DENND5A: variants seen among roughly 807,000 people sequenced by gnomAD.
The protein encoded by DENND5A is DENN domain-containing protein 5A.
Under a neutral mutation model 140.3 loss-of-function variants are expected in DENND5A, and 64 were observed. That is an observed-to-expected ratio of 0.46 (90% CI 0.37 to 0.56). DENND5A has a LOEUF of 0.56. DENND5A is among the 20% of genes least tolerant of loss of function. The probability of loss-of-function intolerance (pLI) is 0.00; values close to 1 mark genes in which losing one functional copy is unlikely to be tolerated. For missense variants in DENND5A, 1,292 were observed against 1,593.8 expected, an observed-to-expected ratio of 0.81 and a Z score of 3.22; for synonymous variants, 605 against 607.7, an observed-to-expected ratio of 1.00 and a Z score of 0.07.
chr11:9,228,797 C>CA (rs1012570626), intron 1 of DENND5A, among the ~76,000 whole-genome samples: 2 of 152,076 alleles, frequency 1.3e-5, no homozygotes, highest in African/African-American at 4.8e-5. Context: ...CAGAATGGTG[C>CA]ACTCAGCGTG....
Position 9,204,069 on chromosome 11 carries a change from A to G in DENND5A, c.540T>C (p.Gly180=), listed in dbSNP as rs1348771681. The G allele has an allele frequency of 1.9e-6, 3 of 1,614,156 alleles. No homozygotes were observed. The highest frequency in any genetic ancestry group is 2.5e-6 in the Non-Finnish European group (3 of 1,180,032). ...GCAGTTTGGTCACAGGAGTGTCTTC[A>G]CCATCCTCCATGCTGCTCTGGTCTC... ...DDRDQSSMED[G]EDTPVTKLQR... Residue 180 remains glycine, a synonymous_variant, in exon 4 of 23, where the codon GGT becomes GGC. Transcript: ENST00000328194.
intron 8 of DENND5A, chr11:9,175,753 A>C (rs1012161907): frequency 2.0e-5 from 3 of 152,224 alleles, no homozygotes; most frequent in African/African-American, 4.8e-5. Context: ...TGGTCTTTTC[A>C]ACAGATGAAT....
intron 1 of DENND5A, among the ~76,000 whole-genome samples, chr11:9,247,122 T>C (rs964013677): frequency 6.6e-6 from 1 of 151,282 alleles, no homozygotes; most frequent in Middle Eastern, 3.4e-3. Flanking sequence ...CCCAGCTACT[T>C]GGGAGGCTGA....
intron 12 of DENND5A, among the ~76,000 whole-genome samples, chr11:9,160,382 G>T (rs1220295422): frequency 6.6e-6 from 1 of 152,126 alleles, no homozygotes; most frequent in African/African-American, 2.4e-5. Flanking sequence ...TGTATGACTG[G>T]TACTTCCTGA....
At chr11:9,207,247 T>C (rs1261269728) in intron 2 of DENND5A, 2 of 479,816 alleles carry the variant, frequency 4.2e-6, no homozygotes, top group African/African-American at 2.0e-5. Context: ...TGTAAGAACA[T>C]TAACGAAGCA....
chr11:9,185,860 TGTC>T (rs1564903300), intron 5 of DENND5A, among the ~76,000 whole-genome samples: 1 of 151,958 alleles, frequency 6.6e-6, no homozygotes, highest in Non-Finnish European at 1.5e-5. Context: ...GTGTCTGTGT[TGTC>T]TGTGTGTGTG....
chr11:9,176,225 T>TA (rs1848541523), intron 8 of DENND5A, among the ~76,000 whole-genome samples: 1 of 152,244 alleles, frequency 6.6e-6, no homozygotes. Flanking sequence ...AGACTTTGTC[T>TA]AAACTGTCAG....
rs1848642951 is a variant in DENND5A, at chr11:9,179,128, A to C, written c.1456-55T>G. On this transcript the variant is annotated intron_variant, in intron 6 of 22. Transcript: ENST00000328194. ...ACATACACTTTTTCCTTTTAACCCA[A>C]GGAATGCAATTCCTGATTTTTTTAT... is the stretch of plus-strand genomic sequence containing the variant. The C allele has an allele frequency of 1.3e-5, 19 of 1,498,296 alleles. 1 individual carries two copies. In the South Asian group the frequency reaches 2.1e-4, roughly 17 times the overall value. The allele number at this position is 1,498,296 out of a possible 1,614,324, so 92.8% of individuals were successfully genotyped here. A position where few individuals can be genotyped will look rare whatever the true frequency, so the allele number is the denominator to read the frequency against.
chr11:9,208,135 C>G (rs1016484552), intron 1 of DENND5A, among the ~76,000 whole-genome samples: 1 of 152,146 alleles, frequency 6.6e-6, no homozygotes, highest in Non-Finnish European at 1.5e-5. Flanking sequence ...ACTGAGTAAT[C>G]AAGGGACTTA....
intron 1 of DENND5A, among the ~76,000 whole-genome samples, chr11:9,246,667 C>A (rs11820705): frequency 0.023 from 3,407 of 149,568 alleles, 128 homozygotes; most frequent in African/African-American, 0.079. Context: ...TCATAACTTT[C>A]TAAGGTTCTA....
chr11:9,188,467 G>A (rs1848997824), intron 5 of DENND5A, among the ~76,000 whole-genome samples: 1 of 152,216 alleles, frequency 6.6e-6, no homozygotes, highest in African/African-American at 2.4e-5. Context: ...CTGGGTGTCA[G>A]GCAGAGATTG....
At chr11:9,222,997 A>C (rs1850374462) in intron 1 of DENND5A, among the ~76,000 whole-genome samples, 1 of 152,238 alleles carries the variant, frequency 6.6e-6, no homozygotes, top group African/African-American at 2.4e-5. Context: ...AACTAGTCAA[A>C]GAAAGAATCC....
At chr11:9,245,155 C>T (rs1020659903) in intron 1 of DENND5A, among the ~76,000 whole-genome samples, 1 of 151,320 alleles carries the variant, frequency 6.6e-6, no homozygotes, top group Non-Finnish European at 1.5e-5. Context: ...CATGGTGGCA[C>T]GCGCCTATAG....
At chr11:9,216,782 G>C (rs1850110566) in intron 1 of DENND5A, among the ~76,000 whole-genome samples, 1 of 152,152 alleles carries the variant, frequency 6.6e-6, no homozygotes, top group Admixed American at 6.6e-5. Flanking sequence ...TGAGGTGGAG[G>C]GATTGCTTGA....
At chr11:9,170,006 T>G in intron 9 of DENND5A, 57 bp from the exon 10 acceptor site, 1 of 1,249,252 alleles carries the variant, frequency 8.0e-7, no homozygotes, top group Non-Finnish European at 1.2e-6. Flanking sequence ...AAAAGCAATG[T>G]CAACTAACAG....
intron 5 of DENND5A, among the ~76,000 whole-genome samples, chr11:9,187,920 G>A (rs1848974280): frequency 1.3e-5 from 2 of 152,128 alleles, no homozygotes; most frequent in African/African-American, 4.8e-5. Flanking sequence ...GATTTGGTGG[G>A]CTAGGAAATG....
chr11:9,198,462 T>A (rs1047932722), intron 4 of DENND5A, among the ~76,000 whole-genome samples: 5 of 151,662 alleles, frequency 3.3e-5, no homozygotes, highest in African/African-American at 1.2e-4. Flanking sequence ...AATACAAAAA[T>A]TAGGTGGGCG....
chr11:9,155,209 G>A (rs1207357754), intron 12 of DENND5A, among the ~76,000 whole-genome samples: 4 of 151,972 alleles, frequency 2.6e-5, no homozygotes, highest in African/African-American at 9.7e-5. Flanking sequence ...AAATATTTAT[G>A]GTCTTTGACT....
chr11:9,165,902 A>G lies in DENND5A; in HGVS notation c.2217T>C (p.Ser739=), dbSNP rs905258520. 6.2e-7 allele frequency: 1 copy of G among 1,614,086 alleles called. No individual in the cohort carries two copies. The highest frequency in any genetic ancestry group is 8.5e-7 in the Non-Finnish European group (1 of 1,179,982). ...TIRQPKLSNL[S]PSVIAQTNWK... ...AATTGGTCTGGGCAATCACTGATGG[A>G]GAGAGGTTGGACAGTTTGGGCTGGC... The change falls in exon 11 of 23, where the codon TCT becomes TCC. Residue 739 remains serine, a synonymous_variant. Transcript: ENST00000328194.
Sources: allele counts gnomAD v4.1 joint callset (sites outside exome capture counted in the v4.1 genomes callset), GRCh38; gene constraint gnomAD v4.1.1; transcripts MANE v1.5; gene names NCBI Gene and HGNC (gene_info 2026-07-23, HGNC 2026-07-21).